The following FLACC1 variants were observed in gnomAD, a reference collection of about 807,000 sequenced individuals.
The protein encoded by FLACC1 is flagellum-associated coiled-coil domain-containing protein 1.
In FLACC1, 66 loss-of-function variants were observed where a neutral mutation model predicts 62.8. The ratio of observed to expected loss-of-function variants is 1.05; its 90% confidence interval spans 0.86 to 1.29. FLACC1 has a LOEUF of 1.29. Ranked by LOEUF, FLACC1 falls within the 50% of genes most tolerant of loss-of-function variation. The pLI, the probability that FLACC1 is intolerant of heterozygous loss-of-function variation, is 0.00. For synonymous variants in FLACC1, 156 were observed against 161.0 expected (o/e 0.97, Z 0.24); for missense variants, 452 against 489.1 (o/e 0.92, Z 0.71).
chr2:201,318,824 T>C (rs962579827), intron 9 of FLACC1, among the ~76,000 whole-genome samples: 13 of 152,228 alleles, frequency 8.5e-5, no homozygotes, highest in African/African-American at 3.1e-4. Flanking sequence ...AGACTTATTC[T>C]AAGTGAAGTA....
chr2:201,356,220 G>C (rs1375883313), intron 1 of FLACC1, among the ~76,000 whole-genome samples: 4 of 152,170 alleles, frequency 2.6e-5, no homozygotes, highest in Non-Finnish European at 5.9e-5. Context: ...GAGTGCAATG[G>C]TGTGGTCTTG....
At chr2:201,307,690 G>T in intron 10 of FLACC1, 68 bp from the exon 11 acceptor site, 1 of 1,143,278 alleles carries the variant, frequency 8.7e-7, no homozygotes, top group Non-Finnish European at 1.3e-6. Flanking sequence ...GAGAAACCCA[G>T]AATATCTAAA....
At chr2:201,356,660 G>C (rs527946790) in intron 1 of FLACC1, among the ~76,000 whole-genome samples, 24 of 152,308 alleles carry the variant, frequency 1.6e-4, no homozygotes, top group African/African-American at 5.1e-4. Flanking sequence ...GCATAAGTGA[G>C]AGCATACTTT....
intron 7 of FLACC1, among the ~76,000 whole-genome samples, chr2:201,332,009 T>G (rs1331250524): frequency 6.6e-6 from 1 of 152,202 alleles, no homozygotes; most frequent in African/African-American, 2.4e-5. Flanking sequence ...GCTGTAAACC[T>G]AAAACTCTAA....
chr2:201,297,789 C>G (rs966204765), intron 12 of FLACC1, among the ~76,000 whole-genome samples: 2 of 152,132 alleles, frequency 1.3e-5, no homozygotes, highest in Non-Finnish European at 2.9e-5. Context: ...ATGATACTCT[C>G]TCCTCAAAAA....
intron 7 of FLACC1, among the ~76,000 whole-genome samples, chr2:201,341,098 G>C (rs1334223388): frequency 6.7e-6 from 1 of 148,738 alleles, no homozygotes; most frequent in Non-Finnish European, 1.5e-5. Flanking sequence ...AGTTTAATTT[G>C]ATTGAATTTG....
intron 9 of FLACC1, among the ~76,000 whole-genome samples, chr2:201,328,380 A>C (rs999266920): frequency 7.4e-4 from 112 of 152,132 alleles, no homozygotes; most frequent in African/African-American, 2.0e-3. Context: ...TATAATTTTT[A>C]CATGTGTTAG....
At chr2:201,305,980 T>C (rs578091358) in intron 11 of FLACC1, among the ~76,000 whole-genome samples, 1 of 151,800 alleles carries the variant, frequency 6.6e-6, no homozygotes, top group East Asian at 1.9e-4. Context: ...ATATACTTAA[T>C]GTAAATGATG....
chr2:201,334,700 T>C (rs1950658728), intron 7 of FLACC1, among the ~76,000 whole-genome samples: 1 of 151,608 alleles, frequency 6.6e-6, no homozygotes, highest in Non-Finnish European at 1.5e-5. Context: ...GGAGAATCGC[T>C]TGAACTCAGG....
At chr2:201,350,633 G>C in intron 3 of FLACC1, 78 bp downstream of exon 3, 1 of 1,309,982 alleles carries the variant, frequency 7.6e-7, no homozygotes, top group Non-Finnish European at 1.1e-6. Flanking sequence ...GTGAGCCAAG[G>C]TTACACCACT....
At chr2:201,331,209 C>T (rs1263619004) in intron 7 of FLACC1, among the ~76,000 whole-genome samples, 2 of 152,052 alleles carry the variant, frequency 1.3e-5, no homozygotes, top group Non-Finnish European at 2.9e-5. Flanking sequence ...TGGACTCAAG[C>T]AATCCTCCTG....
intron 7 of FLACC1, among the ~76,000 whole-genome samples, chr2:201,334,232 A>G (rs890610867): frequency 9.2e-5 from 14 of 152,102 alleles, no homozygotes; most frequent in Non-Finnish European, 1.5e-5. Context: ...GTCTGTTCAT[A>G]CGGTTTTGTC....
At chr2:201,330,290 G>A (rs1950565451) in intron 9 of FLACC1, among the ~76,000 whole-genome samples, 180 bp downstream of exon 9, 1 of 152,116 alleles carries the variant, frequency 6.6e-6, no homozygotes, top group Non-Finnish European at 1.5e-5. Context: ...TGCCTGACTT[G>A]TCATGCATGG....
Position 201,346,699 on chromosome 2 carries a change from T to C in FLACC1, c.235-24A>G. The C allele has an allele frequency of 6.2e-7, 1 of 1,613,640 alleles. No homozygotes were observed. Among genetic ancestry groups the C allele is most frequent in the Non-Finnish European group, 8.5e-7 (1 of 1,179,938 alleles). ...TCCTAGGCATCAAGGGAAAGTAAGATAAAATGGCAGACTTGGAGTGCTGAG... is the reference window on the plus strand; with the variant it reads ...TCCTAGGCATCAAGGGAAAGTAAGACAAAATGGCAGACTTGGAGTGCTGAG... On this transcript the variant is annotated intron_variant, in intron 4 of 14. Coordinates refer to ENST00000392257, the MANE Select transcript of FLACC1 (RefSeq NM_001127391.3). This position sits in a 1 kb window ranked among gnomAD's most constrained non-coding sequence, Gnocchi z 4.0.
rs202247626 is a variant in FLACC1, at chr2:201,342,443, A to G, written c.463-12T>C. The G allele has an allele frequency of 6.2e-7, 1 of 1,614,040 alleles. No individual in the cohort carries two copies. The highest frequency in any genetic ancestry group is 8.5e-7 in the Non-Finnish European group (1 of 1,179,990). On this transcript the variant is annotated splice_polypyrimidine_tract_variant and intron_variant, in intron 6 of 14. Coordinates refer to ENST00000392257, the MANE Select transcript of FLACC1 (RefSeq NM_001127391.3). Reference sequence around the variant, plus strand: ...ATTTCACTGGAGAGCTGGAAACAAAATCAGCATCTACAACACAGGACTGAG... The same window carrying G: ...ATTTCACTGGAGAGCTGGAAACAAAGTCAGCATCTACAACACAGGACTGAG...
At chr2:201,336,483 C>A (rs1950698675) in intron 7 of FLACC1, among the ~76,000 whole-genome samples, 1 of 152,124 alleles carries the variant, frequency 6.6e-6, no homozygotes, top group African/African-American at 2.4e-5. Context: ...ATGCATGTGT[C>A]TTTTTGGTAG....
chr2:201,334,732 A>G (rs7576018), intron 7 of FLACC1, among the ~76,000 whole-genome samples: 94,537 of 150,284 alleles, frequency 0.63, 30,374 homozygotes, highest in South Asian at 0.79. Context: ...GTGGTGAGCC[A>G]AGATCGCACC....
At chr2:201,320,457 G>A (rs775197301) in intron 9 of FLACC1, among the ~76,000 whole-genome samples, 4 of 152,254 alleles carry the variant, frequency 2.6e-5, no homozygotes. Context: ...AGTTCTGAGT[G>A]CAGGCTAACT....
chr2:201,329,983 G>C (rs1022742395), intron 9 of FLACC1, among the ~76,000 whole-genome samples: 1 of 152,084 alleles, frequency 6.6e-6, no homozygotes, highest in South Asian at 2.1e-4. Context: ...CAACTCAAAT[G>C]CCCAATAATA....
Sources: allele counts gnomAD v4.1 joint callset (sites outside exome capture counted in the v4.1 genomes callset), GRCh38; gene constraint gnomAD v4.1.1; non-coding constraint Gnocchi (gnomAD v3.1); transcripts MANE v1.5; gene names NCBI Gene and HGNC (gene_info 2026-07-23, HGNC 2026-07-21).